TENM1: variants seen among roughly 807,000 people sequenced by gnomAD.
TENM1 encodes teneurin-1.
In TENM1, 35 loss-of-function variants were observed where a neutral mutation model predicts 174.8. The ratio of observed to expected loss-of-function variants is 0.20; its 90% CI spans 0.15 to 0.27. TENM1 has a LOEUF of 0.27. TENM1 is among the 10% of genes least tolerant of loss of function. TENM1 has a pLI of 1.00. For missense variants in TENM1, 1,633 were observed against 2,130.1 expected (o/e 0.77, Z 4.59); for synonymous variants, 781 against 798.7 (o/e 0.98, Z 0.37).
At chrX:124,501,576 T>C (rs780393930) in intron 19 of TENM1, among the ~76,000 whole-genome samples, 6 of 112,160 alleles carry the variant, frequency 5.3e-5, no homozygotes, top group Non-Finnish European at 1.1e-4. Context: ...ATCTGCTATC[T>C]GTCTCTGATC....
chrX:124,843,688 C>CCCA (rs947861986), intron 3 of TENM1, among the ~76,000 whole-genome samples: 6 of 111,659 alleles, frequency 5.4e-5, no homozygotes, highest in African/African-American at 2.0e-4. Flanking sequence ...CCTTTTCTTT[C>CCCA]CCAGGAAAAT....
chrX:124,700,211 A>G (rs756767032), intron 5 of TENM1, among the ~76,000 whole-genome samples: 1 of 111,462 alleles, frequency 9.0e-6, no homozygotes, highest in South Asian at 3.7e-4. Flanking sequence ...AATAAAGGCA[A>G]AGTGACAGCT....
At chrX:125,144,379 C>T in the TENM1 span, among the ~76,000 whole-genome samples, 4 of 111,537 alleles carry the variant, frequency 3.6e-5, no homozygotes, top group Non-Finnish European at 3.8e-5. Flanking sequence ...TTATGAAAAG[C>T]TTTGAATGGA....
chrX:124,844,480 C>CTCA (rs2056568521), intron 3 of TENM1, among the ~76,000 whole-genome samples: 1 of 111,110 alleles, frequency 9.0e-6, no homozygotes, highest in Non-Finnish European at 1.9e-5. Flanking sequence ...GTCTCTTGGT[C>CTCA]TTGATGGACT....
chrX:125,157,020 C>T, the TENM1 span, among the ~76,000 whole-genome samples: 1 of 112,404 alleles, frequency 8.9e-6, no homozygotes, highest in Non-Finnish European at 1.9e-5. Flanking sequence ...CTCCTATCCT[C>T]ATGATGCATA....
At chrX:124,389,103 A>C (rs2060255059) in intron 28 of TENM1, among the ~76,000 whole-genome samples, 1 of 111,892 alleles carries the variant, frequency 8.9e-6, no homozygotes, top group African/African-American at 3.2e-5. Flanking sequence ...TTTTTTTAAT[A>C]GGGAAGAGAT....
At chrX:125,056,799 T>C in the TENM1 span, among the ~76,000 whole-genome samples, 26 of 111,987 alleles carry the variant, frequency 2.3e-4, no homozygotes, top group African/African-American at 8.4e-4. Context: ...CTCCAAACGT[T>C]TTTGTAAAAC....
chrX:124,407,112 A>G (rs1363729931), intron 25 of TENM1, among the ~76,000 whole-genome samples: 1 of 110,855 alleles, frequency 9.0e-6, no homozygotes, highest in Non-Finnish European at 1.9e-5. Flanking sequence ...GGTATAGTAC[A>G]TAAGGTTTTG....
intron 23 of TENM1, among the ~76,000 whole-genome samples, chrX:124,426,001 TG>T (rs2060711058): frequency 5.5e-4 from 5 of 9,104 alleles, no homozygotes; most frequent in Non-Finnish European, 1.9e-3. Context: ...GACTGGTGTG[TG>T]TGTGTGTGTG....
the TENM1 span, chrX:125,203,927 G>C: frequency 1.8e-5 from 2 of 112,926 alleles, no homozygotes; most frequent in African/African-American, 3.2e-5. Context: ...GACTCCTGCG[G>C]GAAACGACTG....
intron 20 of TENM1, 101 bp downstream of exon 23, chrX:124,496,915 A>G: frequency 1.1e-6 from 1 of 899,030 alleles, no homozygotes; most frequent in Non-Finnish European, 1.6e-6. Context: ...AATAGGGGCA[A>G]CTACATTTTC....
At chrX:124,940,021 C>T (rs148583471) in intron 1 of TENM1, among the ~76,000 whole-genome samples, 1,896 of 111,908 alleles carry the variant, frequency 0.017, 19 homozygotes, top group Middle Eastern at 0.028. Context: ...AACTCTATCC[C>T]CAACACCTAA....
At chrX:124,804,267 T>C (rs1410885238) in intron 3 of TENM1, among the ~76,000 whole-genome samples, 1 of 111,981 alleles carries the variant, frequency 8.9e-6, no homozygotes, top group African/African-American at 3.2e-5. Context: ...TTTTCATGTT[T>C]AAAAAAAGCT....
chrX:124,974,901 T>TATATATATAAAATATATATATATAA, the TENM1 span, among the ~76,000 whole-genome samples: 1 of 97,573 alleles, frequency 1.0e-5, no homozygotes, highest in African/African-American at 3.7e-5. Flanking sequence ...TATATATATA[T>TATATATATAAAATATATATATATAA]AAAATAATTT....
chrX:124,381,900 T>C (rs6649210), intron 31 of TENM1, among the ~76,000 whole-genome samples: 10,968 of 111,316 alleles, frequency 0.099, 561 homozygotes, highest in East Asian at 0.32. Flanking sequence ...TTGCTAAATG[T>C]TTTTTAGAAG....
intron 2 of TENM1, among the ~76,000 whole-genome samples, 183 bp from the exon 6 acceptor site, chrX:124,894,535 G>A (rs2057530229): frequency 1.8e-5 from 2 of 111,696 alleles, no homozygotes; most frequent in African/African-American, 3.2e-5. Flanking sequence ...TATTTTTGCA[G>A]AGTTGCACAA....
At chrX:125,135,118 A>G in the TENM1 span, among the ~76,000 whole-genome samples, 1 of 111,421 alleles carries the variant, frequency 9.0e-6, no homozygotes, top group Non-Finnish European at 1.9e-5. Context: ...AAGATCAAGG[A>G]AAAAAATGGC....
the TENM1 span, among the ~76,000 whole-genome samples, chrX:125,122,280 C>T: frequency 9.0e-6 from 1 of 111,146 alleles, no homozygotes; most frequent in Non-Finnish European, 1.9e-5. Context: ...GTGGTTATGT[C>T]AATATGACTC....
At chrX:124,970,344 C>T in the TENM1 span, among the ~76,000 whole-genome samples, 1 of 111,754 alleles carries the variant, frequency 8.9e-6, no homozygotes, top group Non-Finnish European at 1.9e-5. Context: ...CCTAAGGATA[C>T]CAGGCCTTCA....
Sources: gnomAD v4.1 joint callset for allele counts (sites outside exome capture counted in the v4.1 genomes callset) on GRCh38, gnomAD v4.1.1 for gene constraint, MANE v1.5 for transcripts, NCBI Gene and HGNC (gene_info 2026-07-23, HGNC 2026-07-21) for gene names.